PCDHGA9: variants seen among roughly 807,000 people sequenced by gnomAD.
The protein encoded by PCDHGA9 is protocadherin gamma subfamily A, 9.
In PCDHGA9, 37 loss-of-function variants were observed where a neutral mutation model predicts 62.5. The ratio of observed to expected loss-of-function variants is 0.59; its 90% CI spans 0.46 to 0.78. The LOEUF (loss-of-function observed/expected upper bound fraction) is 0.78, where lower values mean the gene tolerates loss of function less well. PCDHGA9 is among the 30% of genes least tolerant of loss of function. The pLI is 0.00. For synonymous variants in PCDHGA9, 459 were observed against 484.6 expected (o/e 0.95, Z 0.69); for missense variants, 1,138 against 1,166.2 (o/e 0.98, Z 0.35).
chr5:141,403,314 T>C lies in PCDHGA9; in HGVS notation c.362T>C (p.Ile121Thr), dbSNP rs1178188100. Residue 121 changes from isoleucine to threonine, a missense_variant, in exon 1 of 4, where the codon ATA becomes ACA. Coordinates refer to ENST00000573521, the MANE Select transcript of PCDHGA9 (RefSeq NM_018921.3). ...AGAGTGAAACTGTACGGAATAGAAA[T>C]AGAAGTAACTGATATTAACGACAGC... ...EDRVKLYGIE[I>T]EVTDINDSAP... 7 of 1,613,856 alleles carry C rather than the reference T, an allele frequency of 4.3e-6. No homozygotes were observed. The highest frequency in any genetic ancestry group is 5.1e-6 in the Non-Finnish European group (6 of 1,179,890).
At position 141,476,565 on chromosome 5, in the gene PCDHGA9, C is replaced by A; in HGVS notation, c.2425-18242C>A. 1 of 1,614,184 alleles carries A rather than the reference C, an allele frequency of 6.2e-7. No homozygotes were observed. ...TTGGAGATTAGCGAGGCCGTGGCTC[C>A]GGGGACGCGCTTTCCGCTCGAGAGC... On this transcript the variant is annotated intron_variant, in intron 1 of 3. Coordinates refer to ENST00000573521, the MANE Select transcript of PCDHGA9 (RefSeq NM_018921.3). The surrounding 1 kb of genome is among the most constrained non-coding windows in gnomAD (Gnocchi z 7.6).
chr5:141,423,689 G>A (rs2096767103), intron 1 of PCDHGA9: 2 of 1,400,130 alleles, frequency 1.4e-6, no homozygotes, highest in Non-Finnish European at 9.4e-7. Context: ...CCTCCTAATT[G>A]TTGGTGTCTT....
intron 3 of PCDHGA9, among the ~76,000 whole-genome samples, chr5:141,507,893 G>C (rs750472786): frequency 2.2e-4 from 33 of 152,356 alleles, no homozygotes; most frequent in Non-Finnish European, 4.1e-4. Context: ...AGAGGTTCCT[G>C]AAGTCCAGCC....
chr5:141,488,915 G>A (rs942297924), intron 1 of PCDHGA9, among the ~76,000 whole-genome samples: 12 of 152,180 alleles, frequency 7.9e-5, no homozygotes, highest in Non-Finnish European at 2.9e-5. Flanking sequence ...TGTTCCCAAG[G>A]TTTCCAGGAT....
chr5:141,445,975 G>A (rs1279186740), intron 1 of PCDHGA9, among the ~76,000 whole-genome samples: 1 of 152,124 alleles, frequency 6.6e-6, no homozygotes, highest in Non-Finnish European at 1.5e-5. Flanking sequence ...TGATTTATGA[G>A]GGTTATAAAT....
Position 141,486,902 on chromosome 5 carries a change from C to T in PCDHGA9, c.2425-7905C>T, listed in dbSNP as rs2099636761. On this transcript the variant is annotated intron_variant, in intron 1 of 3. Transcript: ENST00000573521. This position sits in a 1 kb window ranked among gnomAD's most constrained non-coding sequence, Gnocchi z 5.0. ...TCGGGCCCGGCCTGGTTCCTTATGT[C>T]CCCAAGCACTGCCTCCATCAGTTGG... 1 of 1,614,226 alleles carries T rather than the reference C, an allele frequency of 6.2e-7. No individual in the cohort carries two copies. The highest frequency in any genetic ancestry group is 8.5e-7 in the Non-Finnish European group (1 of 1,180,044).
chr5:141,431,604 G>C lies in PCDHGA9; in HGVS notation c.2424+26228G>C. 1 of 1,614,206 alleles carries C rather than the reference G, an allele frequency of 6.2e-7. No individual in the cohort carries two copies. Among genetic ancestry groups the C allele is most frequent in the South Asian group, 1.1e-5 (1 of 91,088 alleles). On this transcript the variant is annotated intron_variant, in intron 1 of 3. Coordinates refer to ENST00000573521, the MANE Select transcript of PCDHGA9 (RefSeq NM_018921.3). The surrounding 1 kb of genome is among the most constrained non-coding windows in gnomAD (Gnocchi z 4.8). ...AATGCGGAAGTGAGGTATTCCTTCC[G>C]GTATGTGGACGACAAGGCGGCCCAA...
In PCDHGA9 at chr5:141,476,229, C is replaced by T; in HGVS notation, c.2425-18578C>T. ...TCCACGGTCATTCACTATGAGATCC[C>T]GGAGGAAAGAGAGAAGGGTTTCGCT... On this transcript the variant is annotated intron_variant, in intron 1 of 3. Coordinates refer to ENST00000573521, the MANE Select transcript of PCDHGA9 (RefSeq NM_018921.3). The surrounding 1 kb of genome is among the most constrained non-coding windows in gnomAD (Gnocchi z 7.6). 1 of 1,613,872 alleles carries T rather than the reference C, an allele frequency of 6.2e-7. No individual in the cohort carries two copies. The highest frequency in any genetic ancestry group is 2.2e-5 in the East Asian group (1 of 44,822).
In PCDHGA9 at chr5:141,476,321, G is replaced by GT; in HGVS notation, c.2425-18485dup. ...CCTCTCAGCCCGCAGGTTCCGGGTG[G>GT]TGTCTGGAGCTAGCCGAAGATTCTT... On this transcript the variant is annotated intron_variant, in intron 1 of 3. Coordinates refer to ENST00000573521, the MANE Select transcript of PCDHGA9 (RefSeq NM_018921.3). The surrounding 1 kb of genome is among the most constrained non-coding windows in gnomAD (Gnocchi z 7.6). The GT allele has an allele frequency of 6.2e-7, 1 of 1,614,196 alleles. No individual in the cohort carries two copies. Among genetic ancestry groups the GT allele is most frequent in the Non-Finnish European group, 8.5e-7 (1 of 1,180,050 alleles).
chr5:141,478,017 T>C lies in PCDHGA9; in HGVS notation c.2425-16790T>C, dbSNP rs776415195. ...GGTCAAATCAGTACTGCCCGTCCAG[T>C]CCAAGACACAGATTCACCCAGGCAG... On this transcript the variant is annotated intron_variant, in intron 1 of 3. Transcript: ENST00000573521. 15 of 1,613,910 alleles carry C rather than the reference T, an allele frequency of 9.3e-6. No homozygotes were observed. In the African/African-American group the frequency reaches 1.9e-4, roughly 20 times the overall value.
At chr5:141,484,359 T>A (rs1218120598) in intron 1 of PCDHGA9, among the ~76,000 whole-genome samples, 1 of 152,222 alleles carries the variant, frequency 6.6e-6, no homozygotes, top group Non-Finnish European at 1.5e-5. Context: ...GTGTATCTAG[T>A]GTATCACTAG....
rs772444495 is a variant in PCDHGA9 at position 141,491,766 on chromosome 5, T to C, written c.2425-3041T>C. 14 of 1,567,738 alleles carry C rather than the reference T, an allele frequency of 8.9e-6. No homozygotes were observed. The African/African-American group carries it at 1.6e-4, about 18-fold the overall frequency. ...GCACTGGAGAAGCCGCCCGTCCTCA[T>C]AAGGGATTGAACTTGCATCCACTCC... On this transcript the variant is annotated intron_variant, in intron 1 of 3. Coordinates refer to ENST00000573521, the MANE Select transcript of PCDHGA9 (RefSeq NM_018921.3). The surrounding 1 kb of genome is among the most constrained non-coding windows in gnomAD (Gnocchi z 6.9).
chr5:141,466,809 CA>C (rs1454424644), intron 1 of PCDHGA9, among the ~76,000 whole-genome samples: 1 of 152,102 alleles, frequency 6.6e-6, no homozygotes, highest in Non-Finnish European at 1.5e-5. Flanking sequence ...CCTATTCAGA[CA>C]TGGTATAACA....
At chr5:141,417,874 C>G in intron 1 of PCDHGA9, 9 of 1,555,320 alleles carry the variant, frequency 5.8e-6, no homozygotes, top group Non-Finnish European at 7.8e-6. Context: ...GAGGGAGCTG[C>G]GCGCAGAGGC....
intron 1 of PCDHGA9, among the ~76,000 whole-genome samples, chr5:141,452,253 T>G (rs2098736880): frequency 6.6e-6 from 1 of 152,166 alleles, no homozygotes; most frequent in Admixed American, 6.5e-5. Context: ...TTGCCATAAC[T>G]CTCTCATTTT....
Position 141,486,616 on chromosome 5 carries a change from C to A in PCDHGA9, c.2425-8191C>A. On this transcript the variant is annotated intron_variant, in intron 1 of 3. Transcript: ENST00000573521. The surrounding 1 kb of genome is among the most constrained non-coding windows in gnomAD (Gnocchi z 5.0). ...TGCTTTGCTCCCTTGCAGCCTCTGACCCAGACTCTGGCTTGAATGCGCTTA... is the reference window on the plus strand; with the variant it reads ...TGCTTTGCTCCCTTGCAGCCTCTGAACCAGACTCTGGCTTGAATGCGCTTA... The A allele has an allele frequency of 6.2e-7, 1 of 1,613,618 alleles. No individual in the cohort carries two copies. Among genetic ancestry groups the A allele is most frequent in the Non-Finnish European group, 8.5e-7 (1 of 1,180,022 alleles).
chr5:141,423,848 G>C (rs1353181066), intron 1 of PCDHGA9: 1 of 1,277,462 alleles, frequency 7.8e-7, no homozygotes, highest in Non-Finnish European at 9.9e-7. Flanking sequence ...TAATCTTTCA[G>C]AACGTTTTTG....
Position 141,404,601 on chromosome 5 carries a change from T to G in PCDHGA9, c.1649T>G (p.Leu550Arg), listed in dbSNP as rs2094545274. The change falls in exon 1 of 4, where the codon CTG becomes CGG. Residue 550 changes from leucine (L) to arginine (R), a missense_variant. Leu to Arg is a moderately radical substitution (Grantham distance 102, BLOSUM62 -2). Transcript: ENST00000573521. ...CTTAGCAGCAATGTGTCATTGAGAC[T>G]GTTTGTTTTGGACCAGAATGACAAT... ...PPLSSNVSLRLFVLDQNDNAP... is the reference protein window; with the variant it reads ...PPLSSNVSLRRFVLDQNDNAP... The G allele has an allele frequency of 1.2e-6, 2 of 1,614,056 alleles. No individual in the cohort carries two copies. The highest frequency in any genetic ancestry group is 1.7e-5 in the Admixed American group (1 of 60,034).
intron 1 of PCDHGA9, chr5:141,478,790 C>T: frequency 6.8e-7 from 1 of 1,472,906 alleles, no homozygotes. Flanking sequence ...AATTCACATC[C>T]TCAGCACTCT....
Sources: allele counts gnomAD v4.1 joint callset (sites outside exome capture counted in the v4.1 genomes callset), GRCh38; gene constraint gnomAD v4.1.1; non-coding constraint Gnocchi (gnomAD v3.1); transcripts MANE v1.5; gene names NCBI Gene and HGNC (gene_info 2026-07-23, HGNC 2026-07-21).